Variants in SLC35F3 observed in about 807,000 individuals in gnomAD.
SLC35F3 encodes solute carrier family 35 member F3.
In SLC35F3, 25 loss-of-function variants were observed where a neutral mutation model predicts 49.9. That is an observed-to-expected ratio of 0.50 (90% confidence interval 0.37 to 0.70). The LOEUF (loss-of-function observed/expected upper bound fraction) is 0.70, where lower values mean the gene tolerates loss of function less well. Ranked by LOEUF, SLC35F3 falls within the 30% of genes least tolerant of loss-of-function variation. SLC35F3 has a pLI of 0.00. For synonymous variants in SLC35F3, 275 were observed against 265.4 expected (o/e 1.04, Z -0.35); for missense variants, 525 against 639.8 (o/e 0.82, Z 1.94).
intron 2 of SLC35F3, among the ~76,000 whole-genome samples, chr1:234,067,496 T>C (rs565613095): frequency 2.4e-4 from 36 of 152,368 alleles, no homozygotes; most frequent in African/African-American, 8.7e-4. Flanking sequence ...AGTGGTCTTC[T>C]TGACTCTGAC....
intron 3 of SLC35F3, among the ~76,000 whole-genome samples, chr1:234,307,500 G>A (rs1447502586): frequency 6.6e-6 from 1 of 152,130 alleles, no homozygotes; most frequent in Non-Finnish European, 1.5e-5. Flanking sequence ...TAGATTGATA[G>A]GAAGACTAGA....
chr1:233,993,500 T>C (rs1209890397), intron 2 of SLC35F3, among the ~76,000 whole-genome samples: 1 of 152,224 alleles, frequency 6.6e-6, no homozygotes, highest in Non-Finnish European at 1.5e-5. Context: ...GGGCATCATA[T>C]AATAAATTTT....
intron 3 of SLC35F3, among the ~76,000 whole-genome samples, chr1:234,273,240 C>G (rs1452876085): frequency 6.6e-6 from 1 of 152,214 alleles, no homozygotes; most frequent in Non-Finnish European, 1.5e-5. Flanking sequence ...CCAGCTGTGT[C>G]TACTTATTTT....
intron 2 of SLC35F3, among the ~76,000 whole-genome samples, chr1:234,139,637 C>T (rs1037454119): frequency 1.3e-5 from 2 of 152,034 alleles, no homozygotes; most frequent in African/African-American, 4.8e-5. Context: ...GACAATATGA[C>T]ATCACTAGTC....
In SLC35F3 at chr1:234,263,451, G is replaced by A. The variant is rs78201418; in HGVS notation, c.608+31710G>A. Among the ~76,000 whole-genome samples, 314 of 152,152 alleles carry A rather than the reference G, an allele frequency of 2.1e-3. 10 individuals are homozygous for A. In the East Asian group the frequency reaches 0.05, roughly 24 times the overall value. On this transcript the variant is annotated intron_variant, in intron 3 of 7. Coordinates refer to ENST00000366618, the MANE Select transcript of SLC35F3 (RefSeq NM_173508.4). ...CTTAGGTAAAATTCATCTTGCTTGC[G>A]TCTATATTTATGGGCTTTGTTGACT...
At chr1:234,120,968 C>G (rs1309134567) in intron 2 of SLC35F3, among the ~76,000 whole-genome samples, 3 of 152,024 alleles carry the variant, frequency 2.0e-5, no homozygotes, top group Non-Finnish European at 4.4e-5. Flanking sequence ...CATTTGGTCT[C>G]TTTTGGATTC....
intron 2 of SLC35F3, among the ~76,000 whole-genome samples, chr1:234,097,295 A>G (rs1189130174): frequency 3.3e-5 from 5 of 152,186 alleles, no homozygotes; most frequent in African/African-American, 1.2e-4. Flanking sequence ...ACCACTACAC[A>G]ATTCATCCAT....
rs753939530 is a variant in SLC35F3, at chr1:233,912,239, G to C, written c.283+6481G>C. ...TCATGCCTGTAATCTCAATGCTTTGGGAGGCCAAGGCGGGTGAATCACGAG... is the reference window on the plus strand; with the variant it reads ...TCATGCCTGTAATCTCAATGCTTTGCGAGGCCAAGGCGGGTGAATCACGAG... On this transcript the variant is annotated intron_variant, in intron 2 of 7. Transcript: ENST00000366618. 4.0e-4 allele frequency among the ~76,000 whole-genome samples: 61 copies of C among 152,222 alleles called. 1 individual carries two copies. Among genetic ancestry groups the C allele is most frequent in the Non-Finnish European group, 6.8e-4 (46 of 68,016 alleles).
chr1:234,302,084 G>C (rs1668701439), intron 3 of SLC35F3, among the ~76,000 whole-genome samples: 1 of 152,068 alleles, frequency 6.6e-6, no homozygotes, highest in South Asian at 2.1e-4. Context: ...GGGTCAATAG[G>C]TGCAGCAAAC....
intron 3 of SLC35F3, among the ~76,000 whole-genome samples, chr1:234,284,738 CTGAA>C (rs1668390645): frequency 6.6e-6 from 1 of 152,150 alleles, no homozygotes; most frequent in Non-Finnish European, 1.5e-5. Flanking sequence ...GTAACTCGTT[CTGAA>C]TGATGATGCT....
chr1:234,080,733 G>A (rs1664862630), intron 2 of SLC35F3, among the ~76,000 whole-genome samples: 1 of 152,158 alleles, frequency 6.6e-6, no homozygotes. Context: ...AAAGAAAGTA[G>A]GTTAGTGGTT....
intron 2 of SLC35F3, among the ~76,000 whole-genome samples, chr1:233,968,573 T>A (rs1662939196): frequency 1.3e-5 from 2 of 152,076 alleles, no homozygotes; most frequent in Admixed American, 6.6e-5. Context: ...CTGCAACCTC[T>A]GTCTCCTGGG....
intron 3 of SLC35F3, among the ~76,000 whole-genome samples, chr1:234,306,263 T>C (rs1200670563): frequency 1.3e-5 from 2 of 152,086 alleles, no homozygotes; most frequent in East Asian, 3.9e-4. Flanking sequence ...CGGGTTCAAG[T>C]GATTCTCCTG....
intron 2 of SLC35F3, among the ~76,000 whole-genome samples, chr1:234,057,986 T>G (rs1375693226): frequency 6.6e-6 from 1 of 152,102 alleles, no homozygotes; most frequent in African/African-American, 2.4e-5. Context: ...GGATTACAGG[T>G]ATGAGACACT....
chr1:234,235,018 A>G (rs1667442769), intron 3 of SLC35F3, among the ~76,000 whole-genome samples: 2 of 152,092 alleles, frequency 1.3e-5, no homozygotes, highest in Admixed American at 1.3e-4. Context: ...GAGAGTGCCA[A>G]CCCCTATGCT....
At chr1:234,239,703 G>T (rs989911338) in intron 3 of SLC35F3, among the ~76,000 whole-genome samples, 5 of 152,232 alleles carry the variant, frequency 3.3e-5, no homozygotes, top group Non-Finnish European at 7.3e-5. Flanking sequence ...GCCTGGGCAG[G>T]TTGGAGCAAC....
intron 2 of SLC35F3, among the ~76,000 whole-genome samples, chr1:234,190,114 T>G (rs1247607248): frequency 6.6e-6 from 1 of 152,196 alleles, no homozygotes; most frequent in Non-Finnish European, 1.5e-5. Context: ...ACAGAACCTC[T>G]TTAAAGCATG....
At chr1:234,085,306 G>A (rs1664943998) in intron 2 of SLC35F3, among the ~76,000 whole-genome samples, 1 of 152,178 alleles carries the variant, frequency 6.6e-6, no homozygotes, top group South Asian at 2.1e-4. Context: ...AACAGAGGAA[G>A]GCAGCTATGG....
chr1:234,193,951 T>A (rs554851912), intron 2 of SLC35F3, among the ~76,000 whole-genome samples: 5 of 152,140 alleles, frequency 3.3e-5, no homozygotes, highest in African/African-American at 1.2e-4. Flanking sequence ...AAATAATAGA[T>A]GTTGGCATGG....
Sources: allele counts gnomAD v4.1 joint callset (sites outside exome capture counted in the v4.1 genomes callset), GRCh38; gene constraint gnomAD v4.1.1; transcripts MANE v1.5; gene names NCBI Gene and HGNC (gene_info 2026-07-23, HGNC 2026-07-21).